The following SMTN variants were observed in gnomAD, a reference collection of about 807,000 sequenced individuals.
SMTN encodes the protein smoothelin.
A neutral mutation model predicts 102.0 loss-of-function variants in SMTN; 58 were observed. The observed-to-expected ratio is 0.57, with a 90% CI of 0.46 to 0.71. SMTN has a LOEUF of 0.71. Ranked by LOEUF, SMTN falls within the 30% of genes least tolerant of loss-of-function variation. The pLI, the probability that SMTN is intolerant of heterozygous loss-of-function variation, is 0.00. For missense variants in SMTN, 1,185 were observed against 1,241.7 expected (o/e 0.95, Z 0.69); for synonymous variants, 478 against 497.9 (o/e 0.96, Z 0.53).
At chr22:31,075,873 C>T (rs1316173370) in intron 1 of SMTN, among the ~76,000 whole-genome samples, 6 of 152,168 alleles carry the variant, frequency 3.9e-5, no homozygotes, top group Admixed American at 1.3e-4. Flanking sequence ...CTCGCTCTGT[C>T]GCCCAGGCTG....
upstream of SMTN, among the ~76,000 whole-genome samples, chr22:31,077,973 A>T (rs1004587313): frequency 1.2e-4 from 18 of 152,250 alleles, no homozygotes; most frequent in Admixed American, 3.3e-4. Flanking sequence ...AACAAGAACC[A>T]TCCACCTCTA....
At chr22:31,070,222 C>G (rs752285196) in intron 1 of SMTN, among the ~76,000 whole-genome samples, 2 of 152,272 alleles carry the variant, frequency 1.3e-5, no homozygotes, top group African/African-American at 2.4e-5. Flanking sequence ...GCCAGCTTCA[C>G]GTAATGAAGG....
At position 31,090,152 on chromosome 22, in the gene SMTN, C is replaced by T; in HGVS notation, c.837C>T (p.Thr279=). 2.5e-6 allele frequency: 4 copies of T among 1,612,050 alleles called. No homozygotes were observed. Among genetic ancestry groups the T allele is most frequent in the Middle Eastern group, 1.7e-4 (1 of 6,034 alleles). ...PKETPAAQSP[T]RGPSDTKRAD... is the part of the protein sequence containing the mutation. Reference sequence around the variant, plus strand: ...AGACCCCTGCTGCCCAGAGCCCCACCAGAGGCCCCTCTGACACCAAGAGAG... The same window carrying T: ...AGACCCCTGCTGCCCAGAGCCCCACTAGAGGCCCCTCTGACACCAAGAGAG... Residue 279 remains threonine (T), a synonymous_variant, in exon 8 of 21, where the codon ACC becomes ACT. Transcript: ENST00000333137.
At chr22:31,078,143 C>T (rs145373044), upstream of SMTN, among the ~76,000 whole-genome samples, 597 of 152,290 alleles carry the variant, frequency 3.9e-3, 1 homozygote, top group African/African-American at 0.014. Flanking sequence ...CTCCATTGTG[C>T]ATATGAGCAA....
chr22:31,085,129 C>T (rs1009233749), intron 2 of SMTN: 6 of 1,535,438 alleles, frequency 3.9e-6, no homozygotes, highest in East Asian at 2.4e-5. Flanking sequence ...CCACCACCCG[C>T]CGGGACGCCC....
chr22:31,088,633 G>C, intron 4 of SMTN, 27 bp downstream of exon 4: 1 of 1,612,072 alleles, frequency 6.2e-7, no homozygotes, highest in Non-Finnish European at 8.5e-7. Context: ...GGCAGGGGAT[G>C]GGGGCAGGGC....
intron 20 of SMTN, 26 bp downstream of exon 20, chr22:31,101,075 GC>G: frequency 1.3e-6 from 2 of 1,566,634 alleles, no homozygotes; most frequent in African/African-American, 1.4e-5. Flanking sequence ...TCTACCACCT[GC>G]CCCGTTTCAC....
chr22:31,087,348 G>T, intron 2 of SMTN: 1 of 152,478 alleles, frequency 6.6e-6, no homozygotes. Flanking sequence ...ATATGTCTGG[G>T]GGATTGGTCC....
At chr22:31,090,662 GA>G in intron 8 of SMTN, 145 bp from the exon 9 acceptor site, 1 of 714,112 alleles carries the variant, frequency 1.4e-6, no homozygotes. Flanking sequence ...TCCAGGAGGG[GA>G]TGGAGAGGTG....
intron 20 of SMTN, 176 bp downstream of exon 20, chr22:31,101,225 A>C: frequency 1.5e-5 from 9 of 595,626 alleles, no homozygotes; most frequent in East Asian, 2.9e-5. Context: ...ACCATTCTAA[A>C]TGGGCAGTGA....
At chr22:31,079,444 C>T (rs1002100886), upstream of SMTN, among the ~76,000 whole-genome samples, 1 of 152,228 alleles carries the variant, frequency 6.6e-6, no homozygotes, top group African/African-American at 2.4e-5. Context: ...TCCTCCTAGC[C>T]TACAGTAGGG....
In SMTN at chr22:31,090,805, C is replaced by T; in HGVS notation, c.866-3C>T. The T allele has an allele frequency of 4.3e-6, 7 of 1,612,956 alleles. No homozygotes were observed. Among genetic ancestry groups the T allele is most frequent in the Non-Finnish European group, 5.9e-6 (7 of 1,179,060 alleles). On this transcript the variant is annotated splice_region_variant and splice_polypyrimidine_tract_variant and intron_variant, in intron 8 of 20. Coordinates refer to ENST00000333137, the MANE Select transcript of SMTN (RefSeq NM_134269.3). ...GGCCATCACCCCCTCCCCAACCTGCCAGACGTGGCTGGACCCCGACCCTGC... is the reference window on the plus strand; with the variant it reads ...GGCCATCACCCCCTCCCCAACCTGCTAGACGTGGCTGGACCCCGACCCTGC...
chr22:31,093,949 A>C, intron 11 of SMTN: 5 of 999,322 alleles, frequency 5.0e-6, no homozygotes, highest in Non-Finnish European at 7.3e-6. Context: ...TAGGTATGTC[A>C]CCACCTTCTC....
In SMTN at chr22:31,088,586, G is replaced by A. The variant is rs371638277; in HGVS notation, c.274G>A (p.Val92Met). 25 of 1,613,866 alleles carry A rather than the reference G, an allele frequency of 1.5e-5. No individual in the cohort carries two copies. The highest frequency in any genetic ancestry group is 2.1e-5 in the Non-Finnish European group (25 of 1,179,966). Residue 92 changes from valine (V) to methionine (M), a missense_variant, in exon 4 of 21, where the codon GTG becomes ATG. By Grantham distance (21) the Val-to-Met change is conservative. Around this residue, in one of 2 missense-constraint regions of SMTN, gnomAD observed 1,096 missense variants for 1,112.7 expected, o/e 0.98. Transcript: ENST00000333137. Reference protein sequence around the residue: ...LAGQLESMNDVEELTALLRSA... With the variant: ...LAGQLESMNDMEELTALLRSA... Reference sequence around the variant, plus strand: ...AGGGCAGCTGGAGTCCATGAACGATGTGGAGGAATTGACTGCACTGGTGAG... The same window carrying A: ...AGGGCAGCTGGAGTCCATGAACGATATGGAGGAATTGACTGCACTGGTGAG...
rs778069246 is a variant in SMTN, at chr22:31,096,738, C to A, written c.1867C>A (p.Arg623=). The A allele has an allele frequency of 3.9e-6, 6 of 1,547,466 alleles. No individual in the cohort carries two copies. The South Asian group carries it at 7.4e-5, about 19-fold the overall frequency. ...RELRQRKRDQ[R]DKERERRLQE... is the part of the protein sequence containing the mutation. Reference sequence around the variant, plus strand: ...ATGGGGCATCCCCTGCCCAGACCAGCGGGACAAGGAGCGGGAACGGCGGCT... The same window carrying A: ...ATGGGGCATCCCCTGCCCAGACCAGAGGGACAAGGAGCGGGAACGGCGGCT... The change falls in exon 14 of 21, where the codon CGG becomes AGG. Residue 623 remains arginine (R), a synonymous_variant. Transcript: ENST00000333137.
intron 1 of SMTN, chr22:31,068,301 T>A (rs945956269): frequency 6.7e-6 from 1 of 149,686 alleles, no homozygotes; most frequent in Non-Finnish European, 1.5e-5. Flanking sequence ...TGAAACTCCA[T>A]CTCAAAAAAA....
At chr22:31,084,561 G>T (rs1602596406) in intron 2 of SMTN, among the ~76,000 whole-genome samples, 1 of 152,190 alleles carries the variant, frequency 6.6e-6, no homozygotes, top group East Asian at 1.9e-4. Flanking sequence ...CTTCCCTCAG[G>T]AAGTCCAAGT....
intron 1 of SMTN, among the ~76,000 whole-genome samples, chr22:31,075,699 G>A (rs1035576413): frequency 4.6e-5 from 7 of 150,926 alleles, no homozygotes; most frequent in African/African-American, 1.7e-4. Flanking sequence ...AAAAAAAAAG[G>A]AATAGTCTTA....
rs28477085 is a variant in SMTN at position 31,090,645 on chromosome 22, T to C, written c.866-163T>C. On this transcript the variant is annotated intron_variant, in intron 8 of 20. Coordinates refer to ENST00000333137, the MANE Select transcript of SMTN (RefSeq NM_134269.3). ...GCAGCCGAGTGGGGATGCCGGAGTG[T>C]GGGAGATCCAGGAGGGGATGGAGAG... 9.2e-3 allele frequency among the ~76,000 whole-genome samples: 1,400 copies of C among 151,524 alleles called. 27 individuals carry two copies. The highest frequency in any genetic ancestry group is 0.033 in the African/African-American group (1,353 of 41,268).
Sources: allele counts gnomAD v4.1 joint callset (sites outside exome capture counted in the v4.1 genomes callset), GRCh38; gene constraint gnomAD v4.1.1; regional missense constraint gnomAD v4.1.1; transcripts MANE v1.5; gene names NCBI Gene and HGNC (gene_info 2026-07-23, HGNC 2026-07-21).